The following VGLL4 variants were observed in gnomAD, a reference collection of about 807,000 sequenced individuals.
VGLL4 encodes vestigial like family member 4.
In VGLL4, 7 loss-of-function variants were observed where a neutral mutation model predicts 21.0. The ratio of observed to expected loss-of-function variants is 0.33; its 90% CI spans 0.19 to 0.63. VGLL4 has a LOEUF of 0.63. Among genes scored for constraint, VGLL4 ranks in the 20% least tolerant of loss-of-function variants. The pLI is 0.78. For missense variants in VGLL4, 394 were observed against 425.7 expected (o/e 0.93, Z 0.66); for synonymous variants, 222 against 173.2 (o/e 1.28, Z -2.21).
Position 11,565,026 on chromosome 3 carries a change from AAG to A in VGLL4, c.273-9_273-8del. ...TCCATTGGCAGTCTTGTTCCTGAAA[AAG>A]AGGAATGGGCATTCAGGGGGCGTTT... On this transcript the variant is annotated splice_polypyrimidine_tract_variant and splice_region_variant and intron_variant, in intron 2 of 4. Coordinates refer to ENST00000430365, the MANE Select transcript of VGLL4 (RefSeq NM_001128219.3). The surrounding 1 kb of genome is among the most constrained non-coding windows in gnomAD (Gnocchi z 4.1). 1 of 1,474,880 alleles carries A rather than the reference AAG, an allele frequency of 6.8e-7. No individual in the cohort carries two copies. The highest frequency in any genetic ancestry group is 9.0e-7 in the Non-Finnish European group (1 of 1,114,450). The allele number at this position is 1,474,880 out of a possible 1,614,324, so 91.4% of individuals were successfully genotyped here. A position where few individuals can be genotyped will look rare whatever the true frequency, so the allele number is the denominator to read the frequency against.
At chr3:11,683,753 G>A (rs1056805022) in intron 2 of VGLL4, among the ~76,000 whole-genome samples, 6 of 151,338 alleles carry the variant, frequency 4.0e-5, no homozygotes, top group Admixed American at 3.3e-4. Context: ...AAGATTAGAC[G>A]ACTGCACTCC....
chr3:11,621,390 G>A (rs922169669), intron 1 of VGLL4, among the ~76,000 whole-genome samples: 1 of 152,156 alleles, frequency 6.6e-6, no homozygotes, highest in East Asian at 1.9e-4. Flanking sequence ...TAGACTTGCC[G>A]ATTCCAGACA....
intron 2 of VGLL4, among the ~76,000 whole-genome samples, chr3:11,684,868 CA>C (rs1461084280): frequency 6.6e-6 from 1 of 151,794 alleles, no homozygotes; most frequent in African/African-American, 2.4e-5. Context: ...AATAAATGTG[CA>C]GTTTTGTTTT....
chr3:11,561,700 T>G (rs1191049600), intron 3 of VGLL4, among the ~76,000 whole-genome samples: 2 of 151,772 alleles, frequency 1.3e-5, no homozygotes, highest in Admixed American at 1.3e-4. Flanking sequence ...ATGGGGAAAA[T>G]GAAGGCCAGA....
At chr3:11,622,891 C>A (rs1244010004) in intron 1 of VGLL4, among the ~76,000 whole-genome samples, 1 of 152,212 alleles carries the variant, frequency 6.6e-6, no homozygotes, top group East Asian at 1.9e-4. Flanking sequence ...GGACTGAGAA[C>A]TGAAACCTGG....
chr3:11,572,893 C>T (rs538515641), intron 2 of VGLL4, among the ~76,000 whole-genome samples: 29 of 152,164 alleles, frequency 1.9e-4, no homozygotes, highest in African/African-American at 6.0e-4. Context: ...GTAGGCCAGG[C>T]GCAGTGGCTC....
At chr3:11,704,104 G>A (rs960460652) in intron 1 of VGLL4, among the ~76,000 whole-genome samples, 1 of 152,142 alleles carries the variant, frequency 6.6e-6, no homozygotes, top group African/African-American at 2.4e-5. Context: ...AATTAGGTCG[G>A]GCGTGGTGGC....
At chr3:11,614,571 C>T (rs577766406) in intron 1 of VGLL4, among the ~76,000 whole-genome samples, 4 of 152,354 alleles carry the variant, frequency 2.6e-5, no homozygotes, top group Admixed American at 6.5e-5. Context: ...GTAGCTGGGA[C>T]GAGACACATT....
chr3:11,573,304 A>AAGGAAGG (rs1559870038), intron 2 of VGLL4, among the ~76,000 whole-genome samples: 5 of 12,068 alleles, frequency 4.1e-4, no homozygotes, highest in Non-Finnish European at 7.3e-4. Context: ...AGAAAGAAAG[A>AAGGAAGG]AAGGAAGGAA....
chr3:11,622,867 G>C (rs1308533175), intron 1 of VGLL4, among the ~76,000 whole-genome samples: 2 of 152,178 alleles, frequency 1.3e-5, no homozygotes, highest in Admixed American at 1.3e-4. Flanking sequence ...GTAACTGAGA[G>C]GCTTCCATCT....
rs2073648385 is a variant in VGLL4, at chr3:11,568,670, C to T, written c.273-3651G>A. On this transcript the variant is annotated intron_variant, in intron 2 of 4. Coordinates refer to ENST00000430365, the MANE Select transcript of VGLL4 (RefSeq NM_001128219.3). This position sits in a 1 kb window ranked among gnomAD's most constrained non-coding sequence, Gnocchi z 5.9. ...GACATTGTTTTCCAGGCCCCGCTCG[C>T]CCGGATGAATCACCTCCCGGCCACT... 6 of 1,556,674 alleles carry T rather than the reference C, an allele frequency of 3.9e-6. No homozygotes were observed. Among genetic ancestry groups the T allele is most frequent in the Non-Finnish European group, 5.2e-6 (6 of 1,149,306 alleles).
chr3:11,567,015 C>T (rs1575382040), intron 2 of VGLL4, among the ~76,000 whole-genome samples: 1 of 152,142 alleles, frequency 6.6e-6, no homozygotes, highest in African/African-American at 2.4e-5. Context: ...GCATTCAAGC[C>T]TTTAGATGGA....
In VGLL4 at chr3:11,564,981, C is replaced by T. The variant is rs573349223; in HGVS notation, c.311G>A (p.Arg104Gln). Residue 104 changes from arginine (R) to glutamine (Q), a missense_variant, in exon 3 of 5, where the codon CGG becomes CAG. By Grantham distance (43) the Arg-to-Gln change is conservative (BLOSUM62 1). Transcript: ENST00000430365. ...TANGDCRRDPRERSRSPIERA... is the reference protein window; with the variant it reads ...TANGDCRRDPQERSRSPIERA... ...CTCGATGGGGCTGCGGCTCCGCTCC[C>T]GGGGGTCTCTGCGGCAGTCTCCATT... 1.5e-4 allele frequency: 225 copies of T among 1,529,160 alleles called. 1 individual carries two copies. In the South Asian group the frequency reaches 2.5e-3, roughly 17 times the overall value. The allele number at this position is 1,529,160 out of a possible 1,614,324, so 94.7% of individuals were successfully genotyped here.
intron 1 of VGLL4, among the ~76,000 whole-genome samples, chr3:11,706,856 G>A (rs908980955): frequency 5.3e-5 from 8 of 152,190 alleles, no homozygotes; most frequent in Admixed American, 3.9e-4. Context: ...GAAAATCCAC[G>A]TTAGGAAGCA....
intron 3 of VGLL4, among the ~76,000 whole-genome samples, chr3:11,559,682 G>A (rs933438464): frequency 6.6e-6 from 1 of 152,234 alleles, no homozygotes; most frequent in Non-Finnish European, 1.5e-5. Context: ...GTTTGGATCA[G>A]TGAGGGTACA....
intron 1 of VGLL4, among the ~76,000 whole-genome samples, chr3:11,616,027 CGA>C (rs1559902171): frequency 1.3e-5 from 2 of 152,216 alleles, no homozygotes. Flanking sequence ...CCTCCCACCA[CGA>C]GAGATCAGGA....
At chr3:11,571,400 G>A (rs2073770242) in intron 2 of VGLL4, among the ~76,000 whole-genome samples, 1 of 152,162 alleles carries the variant, frequency 6.6e-6, no homozygotes, top group African/African-American at 2.4e-5. Flanking sequence ...TCTCCATAAA[G>A]GGGCCAGGTG....
At chr3:11,601,359 T>C (rs191317089) in intron 2 of VGLL4, among the ~76,000 whole-genome samples, 20 of 152,332 alleles carry the variant, frequency 1.3e-4, no homozygotes, top group Admixed American at 7.8e-4. Flanking sequence ...TAAGGTGGGA[T>C]GAACACTTCT....
intron 2 of VGLL4, among the ~76,000 whole-genome samples, chr3:11,676,045 G>C (rs1328010677): frequency 6.6e-6 from 1 of 152,112 alleles, no homozygotes; most frequent in Non-Finnish European, 1.5e-5. Flanking sequence ...AAACCACAGA[G>C]AGCCAAGGAC....
Sources: gnomAD v4.1 joint callset for allele counts (sites outside exome capture counted in the v4.1 genomes callset) on GRCh38, gnomAD v4.1.1 for gene constraint, Gnocchi (gnomAD v3.1) non-coding constraint, MANE v1.5 for transcripts, NCBI Gene and HGNC (gene_info 2026-07-23, HGNC 2026-07-21) for gene names.